Variants in AOPEP observed in about 807,000 individuals in gnomAD.
AOPEP encodes aminopeptidase O (putative), also known as aminopeptidase O.
Under a neutral mutation model 98.1 loss-of-function variants are expected in AOPEP, and 77 were observed. That is an observed-to-expected ratio of 0.78 (90% confidence interval 0.65 to 0.95). AOPEP has a LOEUF of 0.95. AOPEP is among the 40% of genes least tolerant of loss of function. The pLI is 0.00. For missense variants in AOPEP, 1,024 were observed against 1,024.7 expected (o/e 1.00, Z 0.01); for synonymous variants, 346 against 365.3 (o/e 0.95, Z 0.60).
intron 13 of AOPEP, among the ~76,000 whole-genome samples, chr9:95,022,894 C>G: frequency 6.6e-6 from 1 of 152,168 alleles, no homozygotes; most frequent in East Asian, 1.9e-4. Context: ...TTGGCCATGG[C>G]TGTAGCTGAT....
At chr9:94,941,529 A>G (rs555117390) in intron 7 of AOPEP, among the ~76,000 whole-genome samples, 1 of 152,334 alleles carries the variant, frequency 6.6e-6, no homozygotes, top group South Asian at 2.1e-4. Flanking sequence ...CTAGCCAGAA[A>G]TGGACTCTGC....
chr9:95,106,803 A>G, the AOPEP span, among the ~76,000 whole-genome samples: 1 of 152,220 alleles, frequency 6.6e-6, no homozygotes, highest in Non-Finnish European at 1.5e-5. Context: ...CCTGGCTTCT[A>G]CCGCAGGCTT....
At chr9:95,139,340 C>A in the AOPEP span, among the ~76,000 whole-genome samples, 1 of 152,212 alleles carries the variant, frequency 6.6e-6, no homozygotes, top group South Asian at 2.1e-4. Flanking sequence ...CAGGCAGGCA[C>A]TGGCTTCACA....
At chr9:94,871,708 A>C (rs2046366206) in intron 5 of AOPEP, among the ~76,000 whole-genome samples, 1 of 152,104 alleles carries the variant, frequency 6.6e-6, no homozygotes, top group Admixed American at 6.6e-5. Context: ...TCATTCATCA[A>C]AGTAACAAGA....
chr9:94,871,285 T>C (rs1174937788), intron 5 of AOPEP, among the ~76,000 whole-genome samples: 1 of 152,250 alleles, frequency 6.6e-6, no homozygotes, highest in African/African-American at 2.4e-5. Flanking sequence ...TCTACAGGCC[T>C]CTGTTTTAAA....
chr9:95,025,036 AT>A (rs2063734036), intron 13 of AOPEP, among the ~76,000 whole-genome samples: 1 of 152,220 alleles, frequency 6.6e-6, no homozygotes. Context: ...CCATCATATA[AT>A]TTATAAAAAT....
intron 14 of AOPEP, among the ~76,000 whole-genome samples, chr9:95,077,098 C>A (rs1215906189): frequency 6.6e-6 from 1 of 152,148 alleles, no homozygotes; most frequent in Non-Finnish European, 1.5e-5. Flanking sequence ...TCCCTCTGAC[C>A]CTCACAGCTG....
At chr9:95,091,433 T>C (rs1264843874), downstream of AOPEP, among the ~76,000 whole-genome samples, 1 of 152,078 alleles carries the variant, frequency 6.6e-6, no homozygotes, top group African/African-American at 2.4e-5. Flanking sequence ...GGTGGCTCTT[T>C]GGTTAGTTGG....
chr9:94,877,444 A>C (rs2047088908), intron 5 of AOPEP, among the ~76,000 whole-genome samples: 1 of 90,396 alleles, frequency 1.1e-5, no homozygotes, highest in South Asian at 3.5e-4. Flanking sequence ...TTTTTTTTTG[A>C]GACAGTTTTG....
At chr9:95,133,791 C>T in the AOPEP span, among the ~76,000 whole-genome samples, 1 of 152,122 alleles carries the variant, frequency 6.6e-6, no homozygotes, top group Non-Finnish European at 1.5e-5. Context: ...TCCTAGTATG[C>T]ACATGTAAGT....
intron 13 of AOPEP, among the ~76,000 whole-genome samples, chr9:95,016,585 C>A (rs1335673145): frequency 3.3e-5 from 5 of 151,858 alleles, no homozygotes; most frequent in Non-Finnish European, 7.4e-5. Flanking sequence ...CAGATAGCAT[C>A]CCACACGTTT....
At chr9:95,005,479 G>C (rs1231351006) in intron 12 of AOPEP, 63 bp from the exon 13 acceptor site, 1 of 1,475,816 alleles carries the variant, frequency 6.8e-7, no homozygotes, top group Non-Finnish European at 9.5e-7. Flanking sequence ...GCTTTCTCGC[G>C]CTGGGGGATG....
At chr9:94,829,145 A>G (rs995199879) in intron 5 of AOPEP, among the ~76,000 whole-genome samples, 6 of 152,118 alleles carry the variant, frequency 3.9e-5, no homozygotes, top group African/African-American at 1.4e-4. Flanking sequence ...CTGGAATTAC[A>G]GGCATGAGCC....
chr9:94,869,696 C>T (rs77047769), intron 5 of AOPEP, among the ~76,000 whole-genome samples: 2,501 of 152,264 alleles, frequency 0.016, 62 homozygotes, highest in African/African-American at 0.057. Context: ...AAGCCAGATA[C>T]GGCTCGTGTT....
the AOPEP span, chr9:95,110,661 C>T: frequency 5.7e-6 from 6 of 1,048,868 alleles, no homozygotes; most frequent in African/African-American, 1.0e-4. Context: ...TGTTTTCAAA[C>T]AACAGAAAAT....
rs189568318 is a variant in AOPEP, at chr9:95,025,605, C to A, written c.2115+19989C>A. Reference sequence around the variant, plus strand: ...TAGATTATTGGGCATGGGCTGCCTGCTTACCACATTGGTATTTTCGTTTTG... The same window carrying A: ...TAGATTATTGGGCATGGGCTGCCTGATTACCACATTGGTATTTTCGTTTTG... On this transcript the variant is annotated intron_variant, in intron 13 of 16. Coordinates refer to ENST00000375315, the MANE Select transcript of AOPEP (RefSeq NM_001193329.3). 1.6e-4 allele frequency among the ~76,000 whole-genome samples: 25 copies of A among 152,322 alleles called. No homozygotes were observed. The East Asian group carries it at 4.8e-3, about 29-fold the overall frequency.
chr9:94,931,315 G>A (rs1157206796), intron 7 of AOPEP, among the ~76,000 whole-genome samples: 1 of 151,964 alleles, frequency 6.6e-6, no homozygotes, highest in East Asian at 1.9e-4. Flanking sequence ...CTTTGTCTTC[G>A]TATTCAGAAA....
chr9:94,785,131 C>T (rs1005599607), intron 3 of AOPEP, among the ~76,000 whole-genome samples: 2 of 147,052 alleles, frequency 1.4e-5, no homozygotes, highest in Non-Finnish European at 3.0e-5. Flanking sequence ...ATGAGGTTTC[C>T]GCTATGTTGG....
chr9:94,886,077 G>C (rs746001132), intron 5 of AOPEP, among the ~76,000 whole-genome samples: 1 of 152,134 alleles, frequency 6.6e-6, no homozygotes, highest in Admixed American at 6.6e-5. Context: ...TACAAAAAAG[G>C]TGTTGGTAAA....
Sources: allele counts gnomAD v4.1 joint callset (sites outside exome capture counted in the v4.1 genomes callset), GRCh38; gene constraint gnomAD v4.1.1; transcripts MANE v1.5; gene names NCBI Gene and HGNC (gene_info 2026-07-23, HGNC 2026-07-21).